Variants in MED27 observed in about 807,000 individuals in gnomAD.
MED27 encodes mediator of RNA polymerase II transcription subunit 27.
In MED27, 30 loss-of-function variants were observed where a neutral mutation model predicts 38.2. That is an observed-to-expected ratio of 0.79 (90% CI 0.59 to 1.07). MED27 has a LOEUF of 1.07. MED27 is among the 50% of genes least tolerant of loss of function. The probability of loss-of-function intolerance (pLI) is 0.00; values close to 1 mark genes in which losing one functional copy is unlikely to be tolerated. For missense variants in MED27, 289 were observed against 397.5 expected (o/e 0.73, Z 2.32); for synonymous variants, 122 against 153.5 (o/e 0.79, Z 1.52).
chr9:132,017,189 T>C (rs1832622428), intron 2 of MED27, among the ~76,000 whole-genome samples: 1 of 152,212 alleles, frequency 6.6e-6, no homozygotes, highest in Admixed American at 6.5e-5. Context: ...AGGCAGCTCC[T>C]GTCCAACTGG....
rs903129404 is a variant in MED27 at position 131,964,631 on chromosome 9, TTGG to T, written c.480-25160_480-25158del. ...AAGAAGGCGGCAAGGAGAATTTGGA[TTGG>T]TGATATTGATACCTAACCCCCATCC... On this transcript the variant is annotated intron_variant, in intron 3 of 7. Coordinates refer to ENST00000292035, the MANE Select transcript of MED27 (RefSeq NM_004269.4). Among the ~76,000 whole-genome samples, 28 of 152,200 alleles carry T rather than the reference TTGG, an allele frequency of 1.8e-4. 1 individual carries two copies. The highest frequency in any genetic ancestry group is 6.3e-4 in the African/African-American group (26 of 41,522).
intron 4 of MED27, among the ~76,000 whole-genome samples, chr9:131,896,486 A>AT (rs536676841): frequency 6.6e-6 from 1 of 152,254 alleles, no homozygotes; most frequent in South Asian, 2.1e-4. Context: ...TTATATTCAA[A>AT]TTTTTTTCTA....
intron 2 of MED27, among the ~76,000 whole-genome samples, chr9:132,019,855 G>A (rs1346831595): frequency 6.6e-6 from 1 of 152,174 alleles, no homozygotes; most frequent in Admixed American, 6.5e-5. Context: ...AGGCAGCCAC[G>A]TTCCCATCAC....
chr9:131,946,402 C>T (rs538960862), intron 3 of MED27, among the ~76,000 whole-genome samples: 1 of 152,266 alleles, frequency 6.6e-6, no homozygotes, highest in East Asian at 1.9e-4. Context: ...CACATTCTTG[C>T]CAACACGTAT....
chr9:131,943,731 G>A (rs1830830933), intron 3 of MED27, among the ~76,000 whole-genome samples: 1 of 152,170 alleles, frequency 6.6e-6, no homozygotes, highest in South Asian at 2.1e-4. Context: ...CTGTCAACCT[G>A]TTAACAGGGT....
At chr9:131,988,329 A>G (rs1478058840) in intron 3 of MED27, among the ~76,000 whole-genome samples, 71 of 152,362 alleles carry the variant, frequency 4.7e-4, no homozygotes, top group Non-Finnish European at 4.4e-5. Context: ...AAAATAAAAA[A>G]AAAGAAGCCA....
intron 3 of MED27, among the ~76,000 whole-genome samples, chr9:132,008,596 T>C (rs939462124): frequency 1.3e-5 from 2 of 152,216 alleles, no homozygotes; most frequent in African/African-American, 4.8e-5. Flanking sequence ...ACTCATCCTA[T>C]GGGAGCTCAG....
Position 131,915,211 on chromosome 9 carries a change from A to G in MED27, c.574-21219T>C, listed in dbSNP as rs1021602070. Among the ~76,000 whole-genome samples the G allele has an allele frequency of 7.9e-5, 12 of 152,216 alleles. 1 individual carries two copies. Among genetic ancestry groups the G allele is most frequent in the African/African-American group, 2.9e-4 (12 of 41,458 alleles). ...GGAGATGAGGAGCAATCTATAAAGG[A>G]GACCAAGAAGGGATAGCCAGTGAAG... On this transcript the variant is annotated intron_variant, in intron 4 of 7. Transcript: ENST00000292035.
intron 4 of MED27, among the ~76,000 whole-genome samples, chr9:131,906,748 T>C (rs1407667893): frequency 2.0e-5 from 3 of 152,036 alleles, no homozygotes; most frequent in Admixed American, 6.5e-5. Flanking sequence ...GGTAAATCCA[T>C]AAAGTGACAG....
chr9:132,054,496 TG>T (rs1833533249), intron 2 of MED27, among the ~76,000 whole-genome samples: 2 of 152,290 alleles, frequency 1.3e-5, no homozygotes, highest in South Asian at 4.1e-4. Context: ...TTCTGCACAC[TG>T]CAATTTCCAC....
chr9:132,073,164 T>C, intron 2 of MED27, among the ~76,000 whole-genome samples: 1 of 152,014 alleles, frequency 6.6e-6, no homozygotes, highest in Non-Finnish European at 1.5e-5. Flanking sequence ...CCCAATGACC[T>C]CACCTTGGCC....
intron 5 of MED27, among the ~76,000 whole-genome samples, chr9:131,886,564 C>CCACTG (rs1182391948): frequency 6.6e-6 from 1 of 152,134 alleles, no homozygotes; most frequent in Non-Finnish European, 1.5e-5. Flanking sequence ...CCCACTGAAA[C>CCACTG]CACTGGATGG....
intron 6 of MED27, among the ~76,000 whole-genome samples, chr9:131,875,438 CCT>C (rs1838914433): frequency 6.6e-6 from 1 of 152,116 alleles, no homozygotes; most frequent in African/African-American, 2.4e-5. Flanking sequence ...CAGCCTATAC[CCT>C]GAGCCACCGT....
intron 4 of MED27, among the ~76,000 whole-genome samples, chr9:131,899,058 G>A (rs1207638001): frequency 6.6e-6 from 1 of 152,244 alleles, no homozygotes; most frequent in Non-Finnish European, 1.5e-5. Flanking sequence ...GAGTCAGTGA[G>A]ACAATGCACA....
intron 3 of MED27, among the ~76,000 whole-genome samples, chr9:131,967,576 C>T (rs920134554): frequency 1.5e-4 from 23 of 151,526 alleles, no homozygotes; most frequent in African/African-American, 5.6e-4. Flanking sequence ...ACTGCAACCT[C>T]GGCCTCCCGG....
At chr9:131,964,617 A>G (rs1831301770) in intron 3 of MED27, among the ~76,000 whole-genome samples, 1 of 152,172 alleles carries the variant, frequency 6.6e-6, no homozygotes, top group Non-Finnish European at 1.5e-5. Flanking sequence ...AGAAGGCGGC[A>G]AGGAGAATTT....
chr9:132,079,582 G>T, intron 1 of MED27, 60 bp downstream of exon 1: 1 of 1,527,694 alleles, frequency 6.5e-7, no homozygotes, highest in Non-Finnish European at 9.0e-7. Context: ...CTCGAGCGAC[G>T]TAGGGGCAGG....
At chr9:131,963,239 C>T (rs1831256150) in intron 3 of MED27, among the ~76,000 whole-genome samples, 1 of 151,994 alleles carries the variant, frequency 6.6e-6, no homozygotes, top group Admixed American at 6.6e-5. Context: ...TCAATTTCTA[C>T]AGAGAGGAAA....
At chr9:132,008,747 T>G (rs1832419407) in intron 3 of MED27, among the ~76,000 whole-genome samples, 1 of 152,210 alleles carries the variant, frequency 6.6e-6, no homozygotes, top group African/African-American at 2.4e-5. Context: ...GTAGCAGCCT[T>G]AGTGCCATCC....
Sources: allele counts gnomAD v4.1 joint callset (sites outside exome capture counted in the v4.1 genomes callset), GRCh38; gene constraint gnomAD v4.1.1; transcripts MANE v1.5; gene names NCBI Gene and HGNC (gene_info 2026-07-23, HGNC 2026-07-21).